Variants in ATP6V0E1 observed in about 807,000 individuals in gnomAD.
ATP6V0E1 encodes the protein ATPase H+ transporting V0 subunit e1.
A neutral mutation model predicts 11.6 loss-of-function variants in ATP6V0E1; 4 were observed. That is an observed-to-expected ratio of 0.35 (90% CI 0.17 to 0.79). The LOEUF is 0.79. Among genes scored for constraint, ATP6V0E1 ranks in the 30% least tolerant of loss-of-function variants. The probability of loss-of-function intolerance (pLI) is 0.54; values close to 1 mark genes in which losing one functional copy is unlikely to be tolerated. For synonymous variants in ATP6V0E1, 36 were observed against 34.8 expected (o/e 1.04, Z -0.13); for missense variants, 105 against 100.0 (o/e 1.05, Z -0.21).
At chr5:172,987,580 GGCCCCCTGCT>G (rs1755915974) in intron 1 of ATP6V0E1, among the ~76,000 whole-genome samples, 1 of 151,918 alleles carries the variant, frequency 6.6e-6, no homozygotes, top group Non-Finnish European at 1.5e-5. Flanking sequence ...TGCCACACCC[GGCCCCCTGCT>G]ATAACATCTT....
intron 2 of ATP6V0E1, among the ~76,000 whole-genome samples, chr5:173,019,772 T>C (rs562572280): frequency 6.6e-6 from 1 of 152,256 alleles, no homozygotes; most frequent in Non-Finnish European, 1.5e-5. Flanking sequence ...AATAGGAAGA[T>C]GATAAGCTAC....
At position 172,996,952 on chromosome 5, in the gene ATP6V0E1, C is replaced by CTT. The variant is rs56185500; in HGVS notation, c.152+2142_152+2143dup. Among the ~76,000 whole-genome samples, 126 of 145,248 alleles carry CTT rather than the reference C, an allele frequency of 8.7e-4. No homozygotes were observed. The Middle Eastern group carries it at 0.01, about 12-fold the overall frequency. Reference sequence around the variant, plus strand: ...GTTATCTGGGTTTGGGGAATTTTTTCTTTTTTTTTTTTTCAAATACAAATT... The same window carrying CTT: ...GTTATCTGGGTTTGGGGAATTTTTTCTTTTTTTTTTTTTTTCAAATACAAATT... On this transcript the variant is annotated intron_variant, in intron 2 of 3. Coordinates refer to ENST00000519374, the MANE Select transcript of ATP6V0E1 (RefSeq NM_003945.4).
chr5:173,025,425 A>G (rs1036332911), intron 3 of ATP6V0E1, among the ~76,000 whole-genome samples: 1 of 148,140 alleles, frequency 6.8e-6, no homozygotes, highest in Non-Finnish European at 1.5e-5. Context: ...GATTACAGGT[A>G]TGAGCCACCA....
At chr5:173,011,706 A>G (rs373780915) in intron 2 of ATP6V0E1, among the ~76,000 whole-genome samples, 86 of 152,084 alleles carry the variant, frequency 5.7e-4, no homozygotes, top group African/African-American at 1.9e-3. Flanking sequence ...AGCTGCCTCA[A>G]TTGTTTGAAT....
At chr5:173,012,479 A>G (rs997784060) in intron 2 of ATP6V0E1, among the ~76,000 whole-genome samples, 3 of 151,948 alleles carry the variant, frequency 2.0e-5, no homozygotes, top group Admixed American at 6.6e-5. Context: ...GAGGCCGGGC[A>G]TGGTGGCTCA....
At chr5:173,030,297 T>C (rs1379510530) in intron 3 of ATP6V0E1, among the ~76,000 whole-genome samples, 1 of 152,206 alleles carries the variant, frequency 6.6e-6, no homozygotes, top group Non-Finnish European at 1.5e-5. Context: ...GAAGGAATTA[T>C]TTTGCAAATT....
intron 2 of ATP6V0E1, among the ~76,000 whole-genome samples, chr5:173,009,775 T>C (rs908381456): frequency 2.7e-4 from 40 of 149,326 alleles, no homozygotes; most frequent in Non-Finnish European, 4.5e-5. Flanking sequence ...CTTTTTTTTT[T>C]TTTTTTTAGA....
At chr5:172,986,140 T>C (rs767854837) in intron 1 of ATP6V0E1, among the ~76,000 whole-genome samples, 6 of 152,236 alleles carry the variant, frequency 3.9e-5, no homozygotes, top group Non-Finnish European at 7.3e-5. Flanking sequence ...AGTCAGTGAC[T>C]GGTGAGTGAA....
intron 3 of ATP6V0E1, among the ~76,000 whole-genome samples, chr5:173,024,746 T>C (rs1373020811): frequency 6.6e-6 from 1 of 152,138 alleles, no homozygotes; most frequent in African/African-American, 2.4e-5. Context: ...CAGGAAGTAA[T>C]GTATTTTTCA....
intron 2 of ATP6V0E1, among the ~76,000 whole-genome samples, chr5:173,007,479 G>C (rs986797506): frequency 6.6e-6 from 1 of 152,174 alleles, no homozygotes; most frequent in African/African-American, 2.4e-5. Flanking sequence ...AATCTCCTTT[G>C]TGTCAAATCA....
At chr5:173,017,043 T>G (rs1756411079) in intron 2 of ATP6V0E1, among the ~76,000 whole-genome samples, 1 of 152,152 alleles carries the variant, frequency 6.6e-6, no homozygotes, top group Admixed American at 6.5e-5. Flanking sequence ...TCTCCAGCAA[T>G]CTCTCCATTG....
chr5:172,983,848 T>C lies in ATP6V0E1; in HGVS notation c.-13T>C, dbSNP rs1229343887. 1 of 1,613,252 alleles carries C rather than the reference T, an allele frequency of 6.2e-7. No homozygotes were observed. Among genetic ancestry groups the C allele is most frequent in the East Asian group, 2.2e-5 (1 of 44,866 alleles). ...GAGGCGACGGGGTAGGGGTTGGCGC[T>C]CAGGCGGCGACCATGGCGTATCACG... is the stretch of plus-strand genomic sequence containing the variant. On this transcript the variant is annotated 5_prime_UTR_variant, in exon 1 of 4. Transcript: ENST00000519374.
chr5:173,016,080 T>C (rs1430458643), intron 2 of ATP6V0E1, among the ~76,000 whole-genome samples: 3 of 152,152 alleles, frequency 2.0e-5, no homozygotes, highest in African/African-American at 7.2e-5. Context: ...CGCGAGCTGC[T>C]CTAGTAGATT....
intron 1 of ATP6V0E1, among the ~76,000 whole-genome samples, chr5:172,992,623 A>G (rs1312806584): frequency 6.6e-6 from 1 of 151,734 alleles, no homozygotes; most frequent in Non-Finnish European, 1.5e-5. Flanking sequence ...TGCAACCACA[A>G]TCTCCAACCC....
intron 2 of ATP6V0E1, among the ~76,000 whole-genome samples, chr5:173,019,237 C>T (rs1441828347): frequency 2.6e-5 from 4 of 152,142 alleles, no homozygotes; most frequent in African/African-American, 9.7e-5. Flanking sequence ...CATGAGCCAC[C>T]GCACCCAACC....
rs1756712969 is a variant in ATP6V0E1 at position 173,034,651 on chromosome 5, G to A, written c.*289G>A. The A allele has an allele frequency of 1.8e-6, 1 of 548,044 alleles. No individual in the cohort carries two copies. Among genetic ancestry groups the A allele is most frequent in the South Asian group, 2.3e-5 (1 of 42,600 alleles). 33.9% of individuals were successfully genotyped at this position (548,044 alleles called of 1,614,324 possible). ...GATAGAAGATGCTGTTCTTCTGAGA[G>A]ATACGTTACTCTCTCCTTGGAATCT... is the stretch of plus-strand genomic sequence containing the variant. On this transcript the variant is annotated 3_prime_UTR_variant, in exon 4 of 4. Transcript: ENST00000519374.
intron 2 of ATP6V0E1, among the ~76,000 whole-genome samples, chr5:172,999,598 A>G (rs1756121818): frequency 6.6e-6 from 1 of 152,244 alleles, no homozygotes; most frequent in South Asian, 2.1e-4. Context: ...AAGTGCTAGG[A>G]TTACAGGCGT....
intron 2 of ATP6V0E1, among the ~76,000 whole-genome samples, chr5:173,011,493 C>T (rs1372831733): frequency 5.3e-5 from 8 of 152,074 alleles, no homozygotes; most frequent in Non-Finnish European, 7.4e-5. Flanking sequence ...CTGTTTCATC[C>T]TTAATAGCCT....
At chr5:173,015,764 T>C (rs1756389810) in intron 2 of ATP6V0E1, among the ~76,000 whole-genome samples, 1 of 152,178 alleles carries the variant, frequency 6.6e-6, no homozygotes, top group Non-Finnish European at 1.5e-5. Context: ...TCTCACTCTG[T>C]CATCCAGGCT....
Sources: gnomAD v4.1 joint callset for allele counts (sites outside exome capture counted in the v4.1 genomes callset) on GRCh38, gnomAD v4.1.1 for gene constraint, MANE v1.5 for transcripts, NCBI Gene and HGNC (gene_info 2026-07-23, HGNC 2026-07-21) for gene names.